Variants in MAST1 observed in about 807,000 individuals in gnomAD.
MAST1 encodes the protein microtubule associated serine/threonine kinase 1.
In MAST1, 40 loss-of-function variants were observed where a neutral mutation model predicts 124.6. The observed-to-expected ratio is 0.32, with a 90% CI of 0.25 to 0.42. MAST1 has a LOEUF of 0.42. Ranked by LOEUF, MAST1 falls within the 10% of genes least tolerant of loss-of-function variation. The pLI, the probability that MAST1 is intolerant of heterozygous loss-of-function variation, is 1.00. For synonymous variants in MAST1, 938 were observed against 939.4 expected (o/e 1.00, Z 0.03); for missense variants, 1,558 against 2,181.9 (o/e 0.71, Z 5.70).
chr19:12,865,485 C>A lies in MAST1; in HGVS notation c.1804+4C>A. 1 of 1,573,250 alleles carries A rather than the reference C, an allele frequency of 6.4e-7. No homozygotes were observed. Among genetic ancestry groups the A allele is most frequent in the African/African-American group, 1.4e-5 (1 of 73,932 alleles). On this transcript the variant is annotated splice_donor_region_variant and intron_variant, in intron 15 of 25. Transcript: ENST00000251472. This position sits in a 1 kb window ranked among gnomAD's most constrained non-coding sequence, Gnocchi z 7.1. Reference sequence around the variant, plus strand: ...CTATTTGGACAGGTCATCAGTGGTACGTGGCTTGGCAGTGTACAGGGGCAG... The same window carrying A: ...CTATTTGGACAGGTCATCAGTGGTAAGTGGCTTGGCAGTGTACAGGGGCAG...
chr19:12,874,014 G>T lies in MAST1; in HGVS notation c.3857G>T (p.Ser1286Ile). 2 of 1,605,806 alleles carry T rather than the reference G, an allele frequency of 1.2e-6. No individual in the cohort carries two copies. Among genetic ancestry groups the T allele is most frequent in the Admixed American group, 1.7e-5 (1 of 59,736 alleles). The change falls in exon 26 of 26, where the codon AGC becomes ATC. Residue 1286 changes from serine to isoleucine, a missense_variant. Around this residue, in one of 10 missense-constraint regions of MAST1, gnomAD observed 263 missense variants for 310.9 expected, o/e 0.85. Transcript: ENST00000251472. This position sits in a 1 kb window ranked among gnomAD's most constrained non-coding sequence, Gnocchi z 6.6. ...ADKKGALRKH[S>I]LEVGHPDFRK... The stretch of plus-strand genomic sequence containing the variant: ...AAGAAGGGCGCGCTGCGCAAACACA[G>T]CCTCGAGGTGGGCCACCCGGATTTC...
At chr19:12,868,101 GGA>G (rs1970180947) in intron 20 of MAST1, 124 bp downstream of exon 20, 26 of 684,954 alleles carry the variant, frequency 3.8e-5, no homozygotes, top group East Asian at 2.9e-4. Flanking sequence ...TTGCAATTTG[GGA>G]TTTTTTTTTT....
intron 7 of MAST1, 113 bp downstream of exon 7, chr19:12,848,170 C>A: frequency 2.0e-6 from 2 of 980,484 alleles, no homozygotes; most frequent in Non-Finnish European, 3.0e-6. Context: ...ACGTTCCAGG[C>A]ACTGGCGTGG....
intron 10 of MAST1, among the ~76,000 whole-genome samples, chr19:12,853,737 G>A (rs998427517): frequency 1.5e-4 from 23 of 151,604 alleles, no homozygotes; most frequent in Non-Finnish European, 2.8e-4. Context: ...GGGCGTGGTG[G>A]CACATGCCTG....
At chr19:12,858,871 C>A in intron 12 of MAST1, 132 bp downstream of exon 12, 1 of 822,364 alleles carries the variant, frequency 1.2e-6, no homozygotes, top group Non-Finnish European at 2.0e-6. Context: ...TTTATTTCTC[C>A]AGTCATTGAT....
chr19:12,860,594 G>A (rs775404134), intron 12 of MAST1, among the ~76,000 whole-genome samples: 10 of 150,962 alleles, frequency 6.6e-5, no homozygotes, highest in Non-Finnish European at 1.2e-4. Context: ...ACAGGTGTGT[G>A]CCACCACACC....
intron 20 of MAST1, 149 bp downstream of exon 20, chr19:12,868,126 T>TTTTTTTTTTTTTTTTTTA (rs1491136033): frequency 1.6e-6 from 1 of 637,026 alleles, no homozygotes; most frequent in African/African-American, 2.4e-5. Context: ...TTTTTTTTTT[T>TTTTTTTTTTTTTTTTTTA]GAGACAGAGT....
At chr19:12,839,161 C>A (rs1220807823) in intron 1 of MAST1, among the ~76,000 whole-genome samples, 2 of 151,860 alleles carry the variant, frequency 1.3e-5, no homozygotes, top group African/African-American at 4.8e-5. Context: ...ACAACCCCCC[C>A]CCCCGAACAC....
chr19:12,868,888 C>T (rs192881875), intron 21 of MAST1, 39 bp downstream of exon 21: 1 of 1,554,560 alleles, frequency 6.4e-7, no homozygotes, highest in Non-Finnish European at 8.7e-7. Flanking sequence ...GGGGCTGCCC[C>T]CCATTTGAGG....
Position 12,838,580 on chromosome 19 carries a change from A to AC in MAST1, c.9dup (p.Ser4LeufsTer8), listed in dbSNP as rs1259729083. The AC allele has an allele frequency of 6.3e-7, 1 of 1,582,056 alleles. No individual in the cohort carries two copies. On this transcript the variant is annotated frameshift_variant, in exon 1 of 26. Coordinates refer to ENST00000251472, the MANE Select transcript of MAST1 (RefSeq NM_014975.3). LOFTEE classifies it high-confidence loss of function. This position sits in a 1 kb window ranked among gnomAD's most constrained non-coding sequence, Gnocchi z 4.3. Reference sequence around the variant, plus strand: ...TGTCGCCGCCGCCGGGTCATGTCTGACTCTCTCTGGACCGCGCTTTCTAAT... The same window carrying AC: ...TGTCGCCGCCGCCGGGTCATGTCTGACCTCTCTCTGGACCGCGCTTTCTAAT...
At position 12,874,246 on chromosome 19, in the gene MAST1, G is replaced by T; in HGVS notation, c.4089G>T (p.Pro1363=). The T allele has an allele frequency of 6.4e-7, 1 of 1,562,412 alleles. No individual in the cohort carries two copies. The highest frequency in any genetic ancestry group is 1.8e-5 in the Admixed American group (1 of 54,744). Residue 1363 remains proline (P), a synonymous_variant, in exon 26 of 26, where the codon CCG becomes CCT. Coordinates refer to ENST00000251472, the MANE Select transcript of MAST1 (RefSeq NM_014975.3). This position sits in a 1 kb window ranked among gnomAD's most constrained non-coding sequence, Gnocchi z 6.6. Reference sequence around the variant, plus strand: ...TGTCGAGCAAGGAGAAGGAATCCCCGGGGGGCGCCGAGGCGTGCACCCCAC... The same window carrying T: ...TGTCGAGCAAGGAGAAGGAATCCCCTGGGGGCGCCGAGGCGTGCACCCCAC... ...PPVSSKEKES[P]GGAEACTPPR...
chr19:12,843,388 T>C lies in MAST1; in HGVS notation c.249-141T>C. 1.7e-6 allele frequency: 1 copy of C among 572,016 alleles called. No individual in the cohort carries two copies. The highest frequency in any genetic ancestry group is 3.1e-6 in the Non-Finnish European group (1 of 324,452). The allele number at this position is 572,016 out of a possible 1,614,324, so 35.4% of individuals were successfully genotyped here. ...GAGTCCCTCTTTATCCCCTTGATTC[T>C]GAGGGCCTTGAGGAATCTTAGAGTG... On this transcript the variant is annotated intron_variant, in intron 3 of 25. Transcript: ENST00000251472. The surrounding 1 kb of genome is among the most constrained non-coding windows in gnomAD (Gnocchi z 4.9).
At chr19:12,857,147 G>C (rs191794950) in intron 10 of MAST1, among the ~76,000 whole-genome samples, 3 of 151,900 alleles carry the variant, frequency 2.0e-5, no homozygotes, top group African/African-American at 4.8e-5. Flanking sequence ...GCAATGCCAC[G>C]ATCTCGGCTC....
In MAST1 at chr19:12,866,566, C is replaced by A. The variant is rs927504049; in HGVS notation, c.2030-87C>A. On this transcript the variant is annotated intron_variant, in intron 17 of 25. Coordinates refer to ENST00000251472, the MANE Select transcript of MAST1 (RefSeq NM_014975.3). The surrounding 1 kb of genome is among the most constrained non-coding windows in gnomAD (Gnocchi z 5.2). ...GGCCTGACCTGAAGACTTGTAAACC[C>A]GTCTTGAACCAGGACTGGGCTCCTG... The A allele has an allele frequency of 8.3e-6, 7 of 843,082 alleles. No homozygotes were observed. In the African/African-American group the frequency reaches 1.2e-4, roughly 14 times the overall value. The allele number at this position is 843,082 out of a possible 1,614,324, so 52.2% of individuals were successfully genotyped here.
rs539497049 is a variant in MAST1, at chr19:12,858,006, CAAAAAAAAAAAAAAA to C, written c.1078-339_1078-325del. ...TGAATATCAGAGTGAGAACCTATCT[CAAAAAAAAAAAAAAA>C]AAAAAAAAAAAAAAAAGCTCTAACT... On this transcript the variant is annotated intron_variant, in intron 10 of 25. Transcript: ENST00000251472. Among the ~76,000 whole-genome samples the C allele has an allele frequency of 8.9e-4, 44 of 49,420 alleles. 1 individual carries two copies. The highest frequency in any genetic ancestry group is 2.1e-3 in the African/African-American group (38 of 17,752). 32.4% of individuals were successfully genotyped at this position (49,420 alleles called of 152,430 possible). A position where few individuals can be genotyped will look rare whatever the true frequency, so the allele number is the denominator to read the frequency against.
chr19:12,869,387 C>A (rs953745849), intron 22 of MAST1, 92 bp downstream of exon 22: 15 of 921,742 alleles, frequency 1.6e-5, no homozygotes, highest in African/African-American at 1.5e-4. Context: ...GGGTGAGACA[C>A]CTCTGTGACC....
At position 12,847,144 on chromosome 19, in the gene MAST1, A is replaced by C; in HGVS notation, c.328-146A>C. 1 of 629,966 alleles carries C rather than the reference A, an allele frequency of 1.6e-6. No homozygotes were observed. The highest frequency in any genetic ancestry group is 1.9e-5 in the South Asian group (1 of 53,356). The allele number at this position is 629,966 out of a possible 1,614,324, so 39.0% of individuals were successfully genotyped here. On this transcript the variant is annotated intron_variant, in intron 4 of 25. Coordinates refer to ENST00000251472, the MANE Select transcript of MAST1 (RefSeq NM_014975.3). This position sits in a 1 kb window ranked among gnomAD's most constrained non-coding sequence, Gnocchi z 5.5. ...CTGTCTGTGGCCAAGAGTCCCAGCC[A>C]AGATCCTAGGATCCAAGGATCGTAA...
At chr19:12,858,123 T>C (rs1313980790) in intron 10 of MAST1, among the ~76,000 whole-genome samples, 1 of 151,866 alleles carries the variant, frequency 6.6e-6, no homozygotes, top group Non-Finnish European at 1.5e-5. Flanking sequence ...ACTCTTTATA[T>C]ATTTATATAT....
intron 22 of MAST1, 115 bp from the exon 23 acceptor site, chr19:12,870,709 A>C: frequency 9.3e-7 from 1 of 1,070,692 alleles, no homozygotes; most frequent in Non-Finnish European, 1.3e-6. Flanking sequence ...ACTATTTCAC[A>C]AGGTGTTATG....
Sources: gnomAD v4.1 joint callset for allele counts (sites outside exome capture counted in the v4.1 genomes callset) on GRCh38, gnomAD v4.1.1 for gene constraint, gnomAD v4.1.1 regional missense constraint, Gnocchi (gnomAD v3.1) non-coding constraint, MANE v1.5 for transcripts, NCBI Gene and HGNC (gene_info 2026-07-23, HGNC 2026-07-21) for gene names.